The following BABAM2 variants were observed in gnomAD, a reference collection of about 807,000 sequenced individuals.
BABAM2 encodes the protein BRISC and BRCA1 A complex member 2.
BABAM2 carries 31 observed loss-of-function variants against 54.7 expected under a neutral mutation model. That is an observed-to-expected ratio of 0.57 (90% CI 0.43 to 0.77). The LOEUF is 0.77. BABAM2 is among the 30% of genes least tolerant of loss of function. The pLI is 0.00. For missense variants in BABAM2, 364 were observed against 455.8 expected, an observed-to-expected ratio of 0.80 and a Z score of 1.83; for synonymous variants, 167 against 162.9, an observed-to-expected ratio of 1.03 and a Z score of -0.19.
In BABAM2 at chr2:28,338,788, A is replaced by AT; in HGVS notation, c.*279dup. On this transcript the variant is annotated 3_prime_UTR_variant, in exon 12 of 12. Transcript: ENST00000379624. ...TAAACTCACAAATTATGGTGCAGTA[A>AT]TTTTCCGGGGAAAGTAAAGCCTCAG... 1 of 393,970 alleles carries AT rather than the reference A, an allele frequency of 2.5e-6. No homozygotes were observed. Among genetic ancestry groups the AT allele is most frequent in the Middle Eastern group, 7.2e-4 (1 of 1,392 alleles). 24.4% of individuals were successfully genotyped at this position (393,970 alleles called of 1,614,324 possible).
rs184038635 is a variant in BABAM2 at position 28,080,148 on chromosome 2, G to A, written c.570+34349G>A. Among the ~76,000 whole-genome samples the A allele has an allele frequency of 3.3e-3, 507 of 152,084 alleles. 6 individuals are homozygous for A. The highest frequency in any genetic ancestry group is 0.012 in the African/African-American group (490 of 41,506). On this transcript the variant is annotated intron_variant, in intron 6 of 11. Coordinates refer to ENST00000379624, the MANE Select transcript of BABAM2 (RefSeq NM_199191.3). ...AGATTTTTAAAAGTAGTTAAATTGG[G>A]CATCTTTTATCATATTTGTCTTTAA...
At chr2:28,320,280 A>C (rs1689921263) in intron 11 of BABAM2, among the ~76,000 whole-genome samples, 1 of 152,240 alleles carries the variant, frequency 6.6e-6, no homozygotes, top group African/African-American at 2.4e-5. Flanking sequence ...ACTGGGAACA[A>C]GAAGGAATGA....
At chr2:28,184,371 CACAA>C (rs1469744084) in intron 7 of BABAM2, among the ~76,000 whole-genome samples, 1 of 148,182 alleles carries the variant, frequency 6.7e-6, no homozygotes, top group Admixed American at 7.0e-5. Context: ...GGTACATGTG[CACAA>C]AGTGTAGGTT....
intron 7 of BABAM2, among the ~76,000 whole-genome samples, chr2:28,201,117 A>G (rs983325034): frequency 6.6e-6 from 1 of 152,172 alleles, no homozygotes; most frequent in African/African-American, 2.4e-5. Flanking sequence ...AATTTTGGTA[A>G]TAACCAAGGA....
chr2:27,913,444 C>T (rs1052106458), intron 2 of BABAM2, among the ~76,000 whole-genome samples: 6 of 152,118 alleles, frequency 3.9e-5, no homozygotes, highest in Admixed American at 3.3e-4. Context: ...TAATTCCTAA[C>T]TACATGTTAG....
intron 6 of BABAM2, among the ~76,000 whole-genome samples, chr2:28,070,410 A>G (rs1664012962): frequency 2.0e-5 from 3 of 152,114 alleles, no homozygotes; most frequent in African/African-American, 7.2e-5. Flanking sequence ...CTCACCTCCA[A>G]TGGCCATACG....
At chr2:28,249,229 C>T (rs1322110308) in intron 10 of BABAM2, among the ~76,000 whole-genome samples, 1 of 151,812 alleles carries the variant, frequency 6.6e-6, no homozygotes, top group Non-Finnish European at 1.5e-5. Context: ...GCTGGGACTA[C>T]AGGCATGTGC....
At chr2:28,027,835 A>T (rs879315736) in intron 5 of BABAM2, among the ~76,000 whole-genome samples, 2 of 152,134 alleles carry the variant, frequency 1.3e-5, no homozygotes, top group African/African-American at 2.4e-5. Context: ...ACATTTTTTT[A>T]AAAAAGACTT....
intron 3 of BABAM2, among the ~76,000 whole-genome samples, chr2:27,964,598 G>T (rs76213812): frequency 6.6e-6 from 1 of 152,154 alleles, no homozygotes; most frequent in African/African-American, 2.4e-5. Context: ...CATGAGTGTT[G>T]TATTGACTTT....
At chr2:27,930,022 A>G in intron 3 of BABAM2, 114 bp downstream of exon 3, 2 of 892,072 alleles carry the variant, frequency 2.2e-6, no homozygotes, top group South Asian at 1.7e-5. Flanking sequence ...GATATTGTTC[A>G]CTAGCATTTA....
intron 11 of BABAM2, among the ~76,000 whole-genome samples, chr2:28,321,942 T>TA (rs796924338): frequency 0.019 from 2,731 of 141,938 alleles, 71 homozygotes; most frequent in African/African-American, 0.059. Flanking sequence ...AAAGTGAGTT[T>TA]AAAAAAAAAA....
At chr2:28,067,533 T>G (rs1053112519) in intron 6 of BABAM2, among the ~76,000 whole-genome samples, 1 of 151,998 alleles carries the variant, frequency 6.6e-6, no homozygotes, top group Non-Finnish European at 1.5e-5. Flanking sequence ...CCAGGAAGAG[T>G]GCAAGTTTGA....
intron 5 of BABAM2, among the ~76,000 whole-genome samples, chr2:28,040,825 TTA>T (rs955642748): frequency 7.9e-5 from 12 of 152,226 alleles, no homozygotes; most frequent in African/African-American, 2.9e-4. Flanking sequence ...AAACAAAAAT[TTA>T]TATTAGTCCT....
At chr2:28,099,376 A>G (rs1666879715) in intron 6 of BABAM2, among the ~76,000 whole-genome samples, 1 of 152,068 alleles carries the variant, frequency 6.6e-6, no homozygotes. Context: ...AGAACCTGAC[A>G]ACCTGGTTGT....
intron 6 of BABAM2, among the ~76,000 whole-genome samples, chr2:28,074,459 C>A (rs1441246807): frequency 1.3e-5 from 2 of 152,178 alleles, no homozygotes; most frequent in Non-Finnish European, 2.9e-5. Flanking sequence ...ACTGAATATT[C>A]ATTCAACAGA....
At chr2:27,989,563 A>G (rs1281456729) in intron 4 of BABAM2, among the ~76,000 whole-genome samples, 1 of 152,194 alleles carries the variant, frequency 6.6e-6, no homozygotes, top group Non-Finnish European at 1.5e-5. Context: ...TAGAAAGGTA[A>G]ATTGGGAGAA....
intron 11 of BABAM2, among the ~76,000 whole-genome samples, chr2:28,332,558 C>T (rs1691056034): frequency 6.6e-6 from 1 of 152,180 alleles, no homozygotes. Context: ...TTTCCACTTC[C>T]CCCACTGCCT....
At chr2:27,980,647 A>G (rs1170226199) in intron 3 of BABAM2, among the ~76,000 whole-genome samples, 1 of 152,096 alleles carries the variant, frequency 6.6e-6, no homozygotes, top group Non-Finnish European at 1.5e-5. Flanking sequence ...ATTTTAAGTT[A>G]CTTCTTTGTT....
At chr2:28,089,891 A>AT (rs11441890) in intron 6 of BABAM2, among the ~76,000 whole-genome samples, 136,630 of 151,736 alleles carry the variant, frequency 0.9, 62,082 homozygotes, top group East Asian at 1. Flanking sequence ...ACTCTGTGGT[A>AT]TTTTTTTTCT....
Sources: gnomAD v4.1 joint callset for allele counts (sites outside exome capture counted in the v4.1 genomes callset) on GRCh38, gnomAD v4.1.1 for gene constraint, MANE v1.5 for transcripts, NCBI Gene and HGNC (gene_info 2026-07-23, HGNC 2026-07-21) for gene names.